APBA1: variants seen among roughly 807,000 people sequenced by gnomAD.
APBA1 encodes amyloid beta precursor protein binding family A member 1, also known as amyloid-beta A4 precursor protein-binding family A member 1.
A neutral mutation model predicts 86.6 loss-of-function variants in APBA1; 55 were observed. The ratio of observed to expected loss-of-function variants is 0.64; its 90% CI spans 0.51 to 0.80. APBA1 has a LOEUF of 0.80. APBA1 is among the 30% of genes least tolerant of loss of function. The pLI, the probability that APBA1 is intolerant of heterozygous loss-of-function variation, is 0.00. For synonymous variants in APBA1, 511 were observed against 493.9 expected (o/e 1.03, Z -0.46); for missense variants, 1,090 against 1,183.0 (o/e 0.92, Z 1.15).
intron 2 of APBA1, among the ~76,000 whole-genome samples, chr9:69,476,886 G>A (rs563911327): frequency 1.3e-5 from 2 of 152,306 alleles, no homozygotes; most frequent in South Asian, 2.1e-4. Context: ...CCTGCTAGAC[G>A]TGTATAGGAA....
intron 10 of APBA1, among the ~76,000 whole-genome samples, chr9:69,441,462 TGAA>T (rs1564030044): frequency 2.0e-5 from 3 of 152,142 alleles, no homozygotes. Flanking sequence ...GCTTCAAAGA[TGAA>T]GGAGGCACAC....
At chr9:69,568,349 AT>A (rs1463476959) in intron 1 of APBA1, among the ~76,000 whole-genome samples, 1 of 152,232 alleles carries the variant, frequency 6.6e-6, no homozygotes, top group Admixed American at 6.5e-5. Flanking sequence ...GAAAATTTAA[AT>A]TTGAGAAGAA....
rs187515950 is a variant in APBA1 at position 69,650,183 on chromosome 9, C to T, written c.-70+21970G>A. ...ACTGGCTGTGCTATCTTGGGCAAGT[C>T]ACTTAACCTCTCTGCTTCAGTGTCC... is the stretch of plus-strand genomic sequence containing the variant. On this transcript the variant is annotated intron_variant, in intron 1 of 12. Transcript: ENST00000265381. Among the ~76,000 whole-genome samples the T allele has an allele frequency of 2.0e-3, 310 of 152,296 alleles. 1 individual carries two copies. Among genetic ancestry groups the T allele is most frequent in the Non-Finnish European group, 3.3e-3 (226 of 68,032 alleles).
rs1834540074 is a variant in APBA1, at chr9:69,428,989, T to A, written c.*2338A>T. The A allele has an allele frequency of 6.6e-6, 1 of 152,254 alleles. No homozygotes were observed. Among genetic ancestry groups the A allele is most frequent in the African/African-American group, 2.4e-5 (1 of 41,462 alleles). The allele number at this position is 152,254 out of a possible 1,614,324, so 9.4% of individuals were successfully genotyped here. A position where few individuals can be genotyped will look rare whatever the true frequency, so the allele number is the denominator to read the frequency against. The stretch of plus-strand genomic sequence containing the variant: ...CACCTCTCAAAGTTTACAAGGTTTT[T>A]GTGCAATAGGAATAGAAAGTATATT... On this transcript the variant is annotated 3_prime_UTR_variant, in exon 13 of 13. Transcript: ENST00000265381.
chr9:69,511,156 T>G (rs1249039889), intron 2 of APBA1, among the ~76,000 whole-genome samples: 1 of 151,978 alleles, frequency 6.6e-6, no homozygotes, highest in Non-Finnish European at 1.5e-5. Flanking sequence ...TGGGAGCAAA[T>G]TTTCGCAACC....
At chr9:69,665,363 G>A (rs1823824333) in intron 1 of APBA1, among the ~76,000 whole-genome samples, 1 of 152,122 alleles carries the variant, frequency 6.6e-6, no homozygotes, top group Non-Finnish European at 1.5e-5. Context: ...AAACTATTCT[G>A]AACTCAAGTC....
chr9:69,574,132 T>G (rs1473744365), intron 1 of APBA1, among the ~76,000 whole-genome samples: 2 of 152,194 alleles, frequency 1.3e-5, no homozygotes, highest in African/African-American at 4.8e-5. Flanking sequence ...CTAGATATAT[T>G]TAAGACAGAC....
At chr9:69,471,734 AT>A (rs1222004094) in intron 3 of APBA1, 39 bp from the exon 4 acceptor site, 1 of 1,535,696 alleles carries the variant, frequency 6.5e-7, no homozygotes, top group Non-Finnish European at 9.0e-7. Flanking sequence ...AGAGCAAAGC[AT>A]AATGAAATAT....
chr9:69,458,838 C>T (rs1454738107), intron 5 of APBA1, among the ~76,000 whole-genome samples: 6 of 145,986 alleles, frequency 4.1e-5, no homozygotes, highest in South Asian at 4.3e-4. Context: ...TGGAGTTTTG[C>T]TCTTGTTGCC....
intron 1 of APBA1, among the ~76,000 whole-genome samples, chr9:69,665,196 A>G (rs531571339): frequency 6.6e-6 from 1 of 152,298 alleles, no homozygotes; most frequent in East Asian, 1.9e-4. Context: ...TTGGTGGACA[A>G]TCCTAATGTG....
At chr9:69,575,990 T>C (rs975632783) in intron 1 of APBA1, among the ~76,000 whole-genome samples, 5 of 152,022 alleles carry the variant, frequency 3.3e-5, no homozygotes, top group Non-Finnish European at 5.9e-5. Context: ...GAATCTACAA[T>C]GAACTCAAAC....
chr9:69,504,864 C>T (rs765472931), intron 2 of APBA1, among the ~76,000 whole-genome samples: 4 of 151,998 alleles, frequency 2.6e-5, no homozygotes, highest in South Asian at 2.1e-4. Flanking sequence ...GAGGAGGAGT[C>T]GCCTAGCTTC....
At chr9:69,505,390 T>C (rs745348958) in intron 2 of APBA1, among the ~76,000 whole-genome samples, 57 of 152,000 alleles carry the variant, frequency 3.8e-4, no homozygotes, top group Admixed American at 1.3e-4. Context: ...AGTGCAGTCT[T>C]CTCCATGTTT....
chr9:69,524,962 A>G (rs1836319424), intron 1 of APBA1, among the ~76,000 whole-genome samples: 1 of 152,260 alleles, frequency 6.6e-6, no homozygotes, highest in Non-Finnish European at 1.5e-5. Context: ...CCACATAAAC[A>G]GAATTGAAAA....
chr9:69,575,373 A>T (rs1213509684), intron 1 of APBA1, among the ~76,000 whole-genome samples: 2 of 152,176 alleles, frequency 1.3e-5, no homozygotes, highest in Admixed American at 1.3e-4. Context: ...GTTCATATGG[A>T]ACCAAAAAAG....
chr9:69,449,482 G>C, intron 10 of APBA1, 102 bp downstream of exon 10: 1 of 1,105,766 alleles, frequency 9.0e-7, no homozygotes, highest in Non-Finnish European at 1.3e-6. Context: ...CTTGGTGCCT[G>C]ACACTTTGAA....
intron 1 of APBA1, among the ~76,000 whole-genome samples, chr9:69,533,271 G>T (rs926595914): frequency 6.6e-6 from 1 of 152,152 alleles, no homozygotes; most frequent in African/African-American, 2.4e-5. Context: ...GAAGGAATGA[G>T]AACAGTAGAT....
chr9:69,532,577 T>C (rs936554292), intron 1 of APBA1, among the ~76,000 whole-genome samples: 8 of 152,238 alleles, frequency 5.3e-5, no homozygotes, highest in African/African-American at 1.9e-4. Context: ...CATGCATTGA[T>C]AGCACTAGGC....
At chr9:69,435,785 CTTGAGTTTAA>C (rs1347905381) in intron 11 of APBA1, among the ~76,000 whole-genome samples, 1 of 152,166 alleles carries the variant, frequency 6.6e-6, no homozygotes, top group Non-Finnish European at 1.5e-5. Context: ...TGCAGAAGCT[CTTGAGTTTAA>C]TTAGATCCCA....
Sources: gnomAD v4.1 joint callset for allele counts (sites outside exome capture counted in the v4.1 genomes callset) on GRCh38, gnomAD v4.1.1 for gene constraint, MANE v1.5 for transcripts, NCBI Gene and HGNC (gene_info 2026-07-23, HGNC 2026-07-21) for gene names.